Variants in CDK5RAP2 observed in about 807,000 individuals in gnomAD.
CDK5RAP2 encodes the protein CDK5 regulatory subunit associated protein 2.
In CDK5RAP2, 147 loss-of-function variants were observed where a neutral mutation model predicts 232.9. The observed-to-expected ratio is 0.63, with a 90% CI of 0.55 to 0.72. CDK5RAP2 has a LOEUF of 0.72. Ranked by LOEUF, CDK5RAP2 falls within the 30% of genes least tolerant of loss-of-function variation. The probability of loss-of-function intolerance (pLI) is 0.00; values close to 1 mark genes in which losing one functional copy is unlikely to be tolerated. For synonymous variants in CDK5RAP2, 833 were observed against 833.7 expected, an observed-to-expected ratio of 1.00 and a Z score of 0.01; for missense variants, 2,195 against 2,231.5, an observed-to-expected ratio of 0.98 and a Z score of 0.33.
At chr9:120,468,495 C>T (rs910534659) in intron 17 of CDK5RAP2, among the ~76,000 whole-genome samples, 1 of 152,362 alleles carries the variant, frequency 6.6e-6, no homozygotes, top group African/African-American at 2.4e-5. Context: ...GTAATATTAA[C>T]AGTTGTCAAT....
chr9:120,453,975 T>G (rs1187551575), intron 20 of CDK5RAP2, 102 bp from the exon 21 acceptor site: 2 of 1,209,058 alleles, frequency 1.7e-6, no homozygotes, highest in African/African-American at 3.0e-5. Flanking sequence ...TTGCCCAGAT[T>G]CCATCAAAAC....
chr9:120,524,890 TTATTA>T (rs2040830612), intron 11 of CDK5RAP2, 91 bp downstream of exon 11: 8 of 855,768 alleles, frequency 9.3e-6, no homozygotes, highest in Non-Finnish European at 1.4e-5. Context: ...ACAGTTTTCC[TTATTA>T]AAATCACCCA....
At chr9:120,553,236 A>C (rs554918938) in intron 3 of CDK5RAP2, among the ~76,000 whole-genome samples, 1 of 152,260 alleles carries the variant, frequency 6.6e-6, no homozygotes, top group East Asian at 1.9e-4. Context: ...AGTAACTATG[A>C]TCTGTCAATT....
intron 3 of CDK5RAP2, among the ~76,000 whole-genome samples, chr9:120,567,183 C>G (rs938919291): frequency 6.6e-6 from 1 of 152,146 alleles, no homozygotes; most frequent in Admixed American, 6.5e-5. Flanking sequence ...GTTTGAGGCC[C>G]CAGACCCCAC....
chr9:120,511,790 T>G (rs1314847187), intron 12 of CDK5RAP2, among the ~76,000 whole-genome samples: 2 of 141,586 alleles, frequency 1.4e-5, no homozygotes, highest in East Asian at 4.1e-4. Context: ...CAGGCTGGAG[T>G]GTAGTGGCAC....
chr9:120,417,884 C>T (rs2034329736), intron 27 of CDK5RAP2, among the ~76,000 whole-genome samples: 1 of 152,130 alleles, frequency 6.6e-6, no homozygotes, highest in South Asian at 2.1e-4. Context: ...GCTTCACGTT[C>T]ACAGATATCC....
intron 13 of CDK5RAP2, among the ~76,000 whole-genome samples, chr9:120,489,599 C>T (rs2038789013): frequency 6.6e-6 from 1 of 152,106 alleles, no homozygotes; most frequent in Admixed American, 6.5e-5. Context: ...ACTTTTCTTA[C>T]TCTTCTTTTA....
At chr9:120,444,635 T>A (rs530602471) in intron 22 of CDK5RAP2, among the ~76,000 whole-genome samples, 1 of 152,212 alleles carries the variant, frequency 6.6e-6, no homozygotes, top group Non-Finnish European at 1.5e-5. Context: ...ACCTCAACTA[T>A]GGTAAACCCA....
chr9:120,507,334 T>C (rs1348325284), intron 12 of CDK5RAP2, among the ~76,000 whole-genome samples: 3 of 152,222 alleles, frequency 2.0e-5, no homozygotes, highest in Non-Finnish European at 4.4e-5. Context: ...ACCTTAATTA[T>C]ACCCATTTTA....
At chr9:120,435,953 G>A (rs2131306273) in intron 25 of CDK5RAP2, among the ~76,000 whole-genome samples, 2 of 152,310 alleles carry the variant, frequency 1.3e-5, no homozygotes, top group South Asian at 2.1e-4. Context: ...AGGAACATTT[G>A]ACTCAGACAA....
At chr9:120,406,037 T>C (rs1223814672) in intron 32 of CDK5RAP2, 1 of 152,252 alleles carries the variant, frequency 6.6e-6, no homozygotes, top group East Asian at 1.9e-4. Context: ...TTTTTTCATA[T>C]TATTACATCA....
intron 4 of CDK5RAP2, among the ~76,000 whole-genome samples, chr9:120,548,190 T>G (rs184087621): frequency 1.5e-3 from 235 of 152,352 alleles, no homozygotes; most frequent in Non-Finnish European, 2.1e-3. Context: ...AAAAGGACAC[T>G]GGGTGACAGT....
At chr9:120,465,018 T>C (rs1463195637) in intron 18 of CDK5RAP2, among the ~76,000 whole-genome samples, 1 of 152,270 alleles carries the variant, frequency 6.6e-6, no homozygotes, top group African/African-American at 2.4e-5. Flanking sequence ...CTTGTCAACA[T>C]GACAGCCCTA....
intron 12 of CDK5RAP2, among the ~76,000 whole-genome samples, chr9:120,497,421 T>TTAA (rs2039346773): frequency 1.3e-4 from 3 of 23,314 alleles, no homozygotes; most frequent in Non-Finnish European, 1.7e-4. Flanking sequence ...AAAATAAATT[T>TTAA]AAAAAAAAAA....
intron 12 of CDK5RAP2, among the ~76,000 whole-genome samples, chr9:120,507,932 A>AT (rs2039896181): frequency 2.7e-5 from 2 of 73,070 alleles, no homozygotes; most frequent in African/African-American, 9.0e-5. Context: ...AAAAAAAAAA[A>AT]AAAAAAAAAA....
At chr9:120,450,780 G>A (rs1359098916) in intron 21 of CDK5RAP2, among the ~76,000 whole-genome samples, 1 of 152,184 alleles carries the variant, frequency 6.6e-6, no homozygotes, top group African/African-American at 2.4e-5. Context: ...ATGAAGAACC[G>A]AGATGTCAAA....
chr9:120,459,169 C>T (rs1430097042), intron 19 of CDK5RAP2, among the ~76,000 whole-genome samples: 1 of 152,202 alleles, frequency 6.6e-6, no homozygotes, highest in Non-Finnish European at 1.5e-5. Flanking sequence ...TGGCTTTGAT[C>T]TTTCACATTA....
At chr9:120,406,041 T>C (rs893718857) in intron 32 of CDK5RAP2, 1 of 152,258 alleles carries the variant, frequency 6.6e-6, no homozygotes, top group Admixed American at 6.5e-5. Flanking sequence ...TTCATATTAT[T>C]ACATCATCTT....
In CDK5RAP2 at chr9:120,502,377, G is replaced by A. The variant is rs901137891; in HGVS notation, c.1312-10900C>T. 5.3e-5 allele frequency among the ~76,000 whole-genome samples: 8 copies of A among 152,232 alleles called. No individual in the cohort carries two copies. In the East Asian group the frequency reaches 1.2e-3, roughly 22 times the overall value. The stretch of plus-strand genomic sequence containing the variant: ...TTACAGGTCCACTTACCTCATTTCC[G>A]AGATTCAGTTTCCTCCTCTATACAA... On this transcript the variant is annotated intron_variant, in intron 12 of 37. Coordinates refer to ENST00000349780, the MANE Select transcript of CDK5RAP2 (RefSeq NM_018249.6).
Sources: allele counts gnomAD v4.1 joint callset (sites outside exome capture counted in the v4.1 genomes callset), GRCh38; gene constraint gnomAD v4.1.1; transcripts MANE v1.5; gene names NCBI Gene and HGNC (gene_info 2026-07-23, HGNC 2026-07-21).